The following CTIF variants were observed in gnomAD, a reference collection of about 807,000 sequenced individuals.
The protein encoded by CTIF is CBP80/20-dependent translation initiation factor.
CTIF carries 21 observed loss-of-function variants against 66.0 expected under a neutral mutation model. The observed-to-expected ratio is 0.32, with a 90% CI of 0.23 to 0.46. CTIF has a LOEUF of 0.46. Ranked by LOEUF, CTIF falls within the 20% of genes least tolerant of loss-of-function variation. CTIF has a pLI of 1.00. For synonymous variants in CTIF, 345 were observed against 326.4 expected, an observed-to-expected ratio of 1.06 and a Z score of -0.62; for missense variants, 739 against 812.7, an observed-to-expected ratio of 0.91 and a Z score of 1.10.
intron 6 of CTIF, among the ~76,000 whole-genome samples, chr18:48,693,949 A>G (rs1254410609): frequency 6.6e-6 from 1 of 152,232 alleles, no homozygotes; most frequent in Non-Finnish European, 1.5e-5. Context: ...TAGACTCCCT[A>G]ACTGCAGTTT....
rs758020544 is a variant in CTIF at position 48,664,483 on chromosome 18, C to T, written c.363C>T (p.Asp121=). 1 of 1,613,752 alleles carries T rather than the reference C, an allele frequency of 6.2e-7. No homozygotes were observed. Among genetic ancestry groups the T allele is most frequent in the Non-Finnish European group, 8.5e-7 (1 of 1,179,982 alleles). ...GGGACCTGCAGCCGGAAAAGCTGGA[C>T]TTCACCCAGTTCCACCGCAAAGTCC... ...ATWDLQPEKL[D]FTQFHRKVRH... The change falls in exon 5 of 12, where the codon GAC becomes GAT. Residue 121 remains aspartate, a synonymous_variant. Coordinates refer to ENST00000256413, the MANE Select transcript of CTIF (RefSeq NM_014772.3).
chr18:48,586,060 G>A (rs73956933), intron 1 of CTIF, among the ~76,000 whole-genome samples: 3,162 of 152,208 alleles, frequency 0.021, 111 homozygotes, highest in African/African-American at 0.072. Flanking sequence ...AGGGGTGGTG[G>A]CCTCTGCCCT....
intron 10 of CTIF, among the ~76,000 whole-genome samples, chr18:48,839,406 A>ACT (rs754308247): frequency 1.3e-5 from 2 of 151,688 alleles, no homozygotes; most frequent in Non-Finnish European, 2.9e-5. Flanking sequence ...CCCACAGCAC[A>ACT]CTCTACACTG....
intron 9 of CTIF, among the ~76,000 whole-genome samples, chr18:48,770,067 C>T (rs1225646103): frequency 6.6e-6 from 1 of 152,198 alleles, no homozygotes; most frequent in Non-Finnish European, 1.5e-5. Flanking sequence ...TGAGACAGAG[C>T]AGCCGATGAC....
At chr18:48,749,464 CT>C (rs1907583713) in intron 7 of CTIF, among the ~76,000 whole-genome samples, 1 of 152,220 alleles carries the variant, frequency 6.6e-6, no homozygotes, top group African/African-American at 2.4e-5. Context: ...GCCAGGCATC[CT>C]GAGGTCTCTT....
chr18:48,663,887 G>C, intron 4 of CTIF, 62 bp downstream of exon 4: 1 of 1,460,392 alleles, frequency 6.8e-7, no homozygotes, highest in Non-Finnish European at 9.6e-7. Flanking sequence ...TGGCTTCCTT[G>C]GGGACGGAAT....
intron 10 of CTIF, among the ~76,000 whole-genome samples, chr18:48,849,290 T>C (rs2069146521): frequency 7.1e-6 from 1 of 140,888 alleles, no homozygotes. Flanking sequence ...CTCTGCGACC[T>C]GGGTTCAAGC....
intron 2 of CTIF, among the ~76,000 whole-genome samples, chr18:48,625,518 A>G (rs1043114219): frequency 6.6e-6 from 1 of 152,210 alleles, no homozygotes; most frequent in Non-Finnish European, 1.5e-5. Context: ...CCTACCTCCC[A>G]TCAGATGAGT....
chr18:48,593,375 C>A (rs1480965246), intron 1 of CTIF, among the ~76,000 whole-genome samples: 1 of 147,880 alleles, frequency 6.8e-6, no homozygotes, highest in Non-Finnish European at 1.5e-5. Context: ...AACTAGAAAT[C>A]TTTTTTTTTT....
intron 2 of CTIF, among the ~76,000 whole-genome samples, chr18:48,624,566 T>C (rs939039177): frequency 6.6e-6 from 1 of 152,212 alleles, no homozygotes; most frequent in Admixed American, 6.5e-5. Context: ...GATGATCTAG[T>C]GGATCACCAG....
At chr18:48,729,027 G>T (rs2092412646) in intron 7 of CTIF, among the ~76,000 whole-genome samples, 1 of 152,142 alleles carries the variant, frequency 6.6e-6, no homozygotes, top group Non-Finnish European at 1.5e-5. Flanking sequence ...GTTTTTGTGT[G>T]TTCTGATTCA....
At chr18:48,556,013 C>G (rs1308017871) in intron 1 of CTIF, among the ~76,000 whole-genome samples, 1 of 152,170 alleles carries the variant, frequency 6.6e-6, no homozygotes, top group Non-Finnish European at 1.5e-5. Flanking sequence ...TTCAGCTCCC[C>G]AAGTCTGGGC....
chr18:48,654,606 C>T (rs1469802762), intron 3 of CTIF, among the ~76,000 whole-genome samples: 1 of 152,180 alleles, frequency 6.6e-6, no homozygotes, highest in African/African-American at 2.4e-5. Flanking sequence ...CCATTTGACC[C>T]AGCCATCCCA....
At chr18:48,598,415 G>A (rs1489973290) in intron 1 of CTIF, among the ~76,000 whole-genome samples, 1 of 152,222 alleles carries the variant, frequency 6.6e-6, no homozygotes, top group Admixed American at 6.5e-5. Context: ...CTGAGGCCAA[G>A]GTAGCACCTT....
intron 1 of CTIF, among the ~76,000 whole-genome samples, chr18:48,584,370 A>C (rs189319658): frequency 1.2e-3 from 180 of 152,280 alleles, no homozygotes; most frequent in African/African-American, 4.2e-3. Flanking sequence ...GAAACCAGGG[A>C]CTATTACTAC....
At chr18:48,856,171 G>A (rs1487911186) in intron 10 of CTIF, among the ~76,000 whole-genome samples, 4 of 152,226 alleles carry the variant, frequency 2.6e-5, no homozygotes, top group Admixed American at 6.5e-5. Context: ...CGGAAGCCAC[G>A]CCCAGAGAGG....
intron 9 of CTIF, among the ~76,000 whole-genome samples, chr18:48,791,739 C>A (rs1233613927): frequency 6.6e-6 from 1 of 152,194 alleles, no homozygotes; most frequent in Admixed American, 6.5e-5. Flanking sequence ...GTCAGCAGAA[C>A]CTGTTCATAG....
At chr18:48,608,566 G>A (rs908991232) in intron 1 of CTIF, among the ~76,000 whole-genome samples, 4 of 152,170 alleles carry the variant, frequency 2.6e-5, no homozygotes, top group African/African-American at 4.8e-5. Flanking sequence ...GACCTGGGCC[G>A]GTCAGGGTGG....
At chr18:48,654,286 AAAC>A (rs1392866900) in intron 3 of CTIF, among the ~76,000 whole-genome samples, 1 of 152,204 alleles carries the variant, frequency 6.6e-6, no homozygotes, top group Non-Finnish European at 1.5e-5. Flanking sequence ...ACAAGAAAAA[AAAC>A]AACCCCATCA....
Sources: allele counts gnomAD v4.1 joint callset (sites outside exome capture counted in the v4.1 genomes callset), GRCh38; gene constraint gnomAD v4.1.1; transcripts MANE v1.5; gene names NCBI Gene and HGNC (gene_info 2026-07-23, HGNC 2026-07-21).